The following TCF4 variants were observed in gnomAD, a reference collection of about 807,000 sequenced individuals.
The protein encoded by TCF4 is SL3-3 enhancer factor 2.
In TCF4, 3 loss-of-function variants were observed where a neutral mutation model predicts 82.1. The ratio of observed to expected loss-of-function variants is 0.04; its 90% CI spans 0.02 to 0.09. The LOEUF (loss-of-function observed/expected upper bound fraction) is 0.09, where lower values mean the gene tolerates loss of function less well. TCF4 is among the 10% of genes least tolerant of loss of function. The probability of loss-of-function intolerance (pLI) is 1.00; values close to 1 mark genes in which losing one functional copy is unlikely to be tolerated. For missense variants in TCF4, 518 were observed against 852.7 expected, an observed-to-expected ratio of 0.61 and a Z score of 4.89; for synonymous variants, 276 against 309.6, an observed-to-expected ratio of 0.89 and a Z score of 1.14.
At chr18:55,403,993 G>C in intron 5 of TCF4, 1 of 1,213,420 alleles carries the variant, frequency 8.2e-7, no homozygotes, top group South Asian at 2.4e-5. Flanking sequence ...AAAATTCTGA[G>C]TCTCTCTCTC....
chr18:55,570,672 A>G (rs1217924031), intron 3 of TCF4, among the ~76,000 whole-genome samples: 1 of 152,110 alleles, frequency 6.6e-6, no homozygotes, highest in East Asian at 1.9e-4. Context: ...GCTTGAGCTC[A>G]GAAGTTCGAG....
intron 8 of TCF4, among the ~76,000 whole-genome samples, chr18:55,316,234 C>T (rs991988915): frequency 1.3e-5 from 2 of 152,020 alleles, no homozygotes; most frequent in African/African-American, 4.8e-5. Flanking sequence ...ATATATGTCT[C>T]CACTGTATTT....
At chr18:55,492,676 T>C (rs1422427843) in intron 3 of TCF4, among the ~76,000 whole-genome samples, 1 of 152,182 alleles carries the variant, frequency 6.6e-6, no homozygotes, top group Admixed American at 6.5e-5. Flanking sequence ...CTTATCTTCA[T>C]ACCAAGGATG....
intron 15 of TCF4, among the ~76,000 whole-genome samples, chr18:55,250,705 T>C (rs1298137819): frequency 6.6e-6 from 1 of 152,194 alleles, no homozygotes; most frequent in African/African-American, 2.4e-5. Flanking sequence ...AATGTTAAGT[T>C]TCCTCGTTTC....
chr18:55,629,232 G>T (rs925664672), intron 2 of TCF4, among the ~76,000 whole-genome samples: 1 of 152,140 alleles, frequency 6.6e-6, no homozygotes, highest in African/African-American at 2.4e-5. Context: ...GAAGTCCTAA[G>T]ATCACTATCA....
intron 2 of TCF4, among the ~76,000 whole-genome samples, chr18:55,623,780 C>A (rs2097723895): frequency 6.6e-6 from 1 of 152,216 alleles, no homozygotes; most frequent in Non-Finnish European, 1.5e-5. Flanking sequence ...AGTTTTGCAG[C>A]TAGATCCATG....
In TCF4 at chr18:55,523,857, T is replaced by C. The variant is rs1037161131; in HGVS notation, c.146-59720A>G. Among the ~76,000 whole-genome samples the C allele has an allele frequency of 3.9e-5, 6 of 152,084 alleles. 1 individual carries two copies. The highest frequency in any genetic ancestry group is 8.8e-5 in the Non-Finnish European group (6 of 67,954). ...GGAAAGGATTTTTCTGTGATGTTCA[T>C]GCCAGACAAATAAGAAAATTTTAGT... On this transcript the variant is annotated intron_variant, in intron 3 of 19. Coordinates refer to ENST00000354452, the MANE Select transcript of TCF4 (RefSeq NM_001083962.2).
chr18:55,584,637 T>C (rs1248978160), intron 3 of TCF4, among the ~76,000 whole-genome samples: 1 of 152,132 alleles, frequency 6.6e-6, no homozygotes, highest in Admixed American at 6.5e-5. Context: ...CCAAAGATCT[T>C]TCATTTATAA....
Position 55,563,886 on chromosome 18 carries a change from A to G in TCF4, c.145+21394T>C, listed in dbSNP as rs1291955413. Among the ~76,000 whole-genome samples the G allele has an allele frequency of 2.0e-5, 3 of 152,368 alleles. No homozygotes were observed. In the East Asian group the frequency reaches 5.8e-4, roughly 29 times the overall value. On this transcript the variant is annotated intron_variant, in intron 3 of 19. Coordinates refer to ENST00000354452, the MANE Select transcript of TCF4 (RefSeq NM_001083962.2). ...ATGACCTTGAAAATTCATTAAATGA[A>G]TAGAAAAGACATGTAGTGGTTTCCA...
At chr18:55,574,806 CTGAA>C (rs551154556) in intron 3 of TCF4, among the ~76,000 whole-genome samples, 7 of 151,754 alleles carry the variant, frequency 4.6e-5, no homozygotes, top group South Asian at 2.1e-4. Flanking sequence ...AAAACTTTCA[CTGAA>C]TGAATGAATG....
intron 2 of TCF4, among the ~76,000 whole-genome samples, chr18:55,619,744 A>T (rs796956692): frequency 5.9e-5 from 9 of 152,014 alleles, no homozygotes; most frequent in African/African-American, 2.2e-4. Context: ...TTCCTTTTTG[A>T]CATACCCAGT....
chr18:55,261,867 CAG>C (rs2058148927), intron 11 of TCF4, among the ~76,000 whole-genome samples: 1 of 152,152 alleles, frequency 6.6e-6, no homozygotes, highest in Non-Finnish European at 1.5e-5. Flanking sequence ...CTGGAGTCCT[CAG>C]AGTCTGGCTT....
intron 5 of TCF4, among the ~76,000 whole-genome samples, chr18:55,421,927 T>C (rs2094774284): frequency 6.6e-6 from 1 of 152,016 alleles, no homozygotes; most frequent in South Asian, 2.1e-4. Context: ...TGTTAAATAT[T>C]TGTCGATATC....
At chr18:55,330,683 A>G (rs185641702) in intron 8 of TCF4, among the ~76,000 whole-genome samples, 10 of 152,112 alleles carry the variant, frequency 6.6e-5, no homozygotes, top group Non-Finnish European at 1.0e-4. Context: ...CTCTTGCCTC[A>G]GCCTCCTGAG....
At chr18:55,278,233 C>G (rs554214786) in intron 9 of TCF4, among the ~76,000 whole-genome samples, 74 of 152,194 alleles carry the variant, frequency 4.9e-4, no homozygotes, top group African/African-American at 1.8e-3. Flanking sequence ...TACTCTTTGC[C>G]CCAAATGTGC....
At chr18:55,631,586 A>G (rs1260971788) in intron 1 of TCF4, among the ~76,000 whole-genome samples, 2 of 152,238 alleles carry the variant, frequency 1.3e-5, no homozygotes, top group Non-Finnish European at 2.9e-5. Flanking sequence ...TGCTGCAAAT[A>G]CATAGACACA....
intron 5 of TCF4, among the ~76,000 whole-genome samples, chr18:55,438,905 CAA>C (rs1416477135): frequency 6.6e-6 from 1 of 152,136 alleles, no homozygotes; most frequent in Non-Finnish European, 1.5e-5. Flanking sequence ...GAACACTAAG[CAA>C]AGACAGATTA....
chr18:55,350,549 G>T, intron 7 of TCF4, 141 bp from the exon 8 acceptor site: 1 of 885,472 alleles, frequency 1.1e-6, no homozygotes, highest in Non-Finnish European at 1.8e-6. Flanking sequence ...GATCACATTC[G>T]ATTCTAGCAG....
chr18:55,414,327 GA>G (rs1035064784), intron 5 of TCF4, among the ~76,000 whole-genome samples: 32 of 146,314 alleles, frequency 2.2e-4, no homozygotes, highest in African/African-American at 8.0e-4. Flanking sequence ...GAAAAGAAAA[GA>G]AAAAAAAAAC....
Sources: gnomAD v4.1 joint callset for allele counts (sites outside exome capture counted in the v4.1 genomes callset) on GRCh38, gnomAD v4.1.1 for gene constraint, MANE v1.5 for transcripts, NCBI Gene and HGNC (gene_info 2026-07-23, HGNC 2026-07-21) for gene names.